The following KIF14 variants were observed in gnomAD, a reference collection of about 807,000 sequenced individuals.
The protein encoded by KIF14 is kinesin-like protein KIF14.
Under a neutral mutation model 176.2 loss-of-function variants are expected in KIF14, and 98 were observed. That is an observed-to-expected ratio of 0.56 (90% CI 0.47 to 0.66). KIF14 has a LOEUF of 0.66. KIF14 is among the 30% of genes least tolerant of loss of function. The pLI is 0.00. For missense variants in KIF14, 1,751 were observed against 1,920.4 expected, an observed-to-expected ratio of 0.91 and a Z score of 1.65; for synonymous variants, 566 against 632.2, an observed-to-expected ratio of 0.90 and a Z score of 1.57.
chr1:200,602,119 G>A, intron 10 of KIF14, 51 bp from the exon 11 acceptor site: 2 of 1,491,716 alleles, frequency 1.3e-6, no homozygotes, highest in Non-Finnish European at 1.8e-6. Context: ...CTTAATAACA[G>A]TAATTATCTA....
intron 19 of KIF14, 55 bp downstream of exon 19, chr1:200,586,046 T>C: frequency 4.9e-6 from 6 of 1,220,474 alleles, no homozygotes; most frequent in Non-Finnish European, 6.6e-6. Flanking sequence ...GTAATTATAT[T>C]ACATATAACA....
Position 200,589,242 on chromosome 1 carries a change from T to C in KIF14, c.3089A>G (p.Glu1030Gly), listed in dbSNP as rs370753847. ...QEIYVNKKRL[E>G]METLATKQAL... Reference sequence around the variant, plus strand: ...CTGTTTTGTAGCCAATGTTTCCATTTCTAATCGCTTTTTGTTGACATATAT... The same window carrying C: ...CTGTTTTGTAGCCAATGTTTCCATTCCTAATCGCTTTTTGTTGACATATAT... Residue 1030 changes from glutamate (E) to glycine (G), a missense_variant, in exon 18 of 30, where the codon GAA (glutamate) becomes GGA (glycine). By Grantham distance (98) the Glu-to-Gly change is moderately conservative (BLOSUM62 -2). Coordinates refer to ENST00000367350, the MANE Select transcript of KIF14 (RefSeq NM_014875.3). 3.1e-6 allele frequency: 5 copies of C among 1,608,746 alleles called. No homozygotes were observed. The African/African-American group carries it at 6.7e-5, about 22-fold the overall frequency.
intron 21 of KIF14, among the ~76,000 whole-genome samples, chr1:200,576,772 C>T (rs979981152): frequency 6.6e-6 from 1 of 152,142 alleles, no homozygotes; most frequent in African/African-American, 2.4e-5. Context: ...ATATACTTCA[C>T]GTTTATGACA....
Position 200,575,681 on chromosome 1 carries a change from C to T in KIF14, c.3476G>A (p.Ser1159Asn), listed in dbSNP as rs1658061749. The T allele has an allele frequency of 3.2e-6, 5 of 1,556,736 alleles. No individual in the cohort carries two copies. The African/African-American group carries it at 4.1e-5, about 13-fold the overall frequency. ...AMKELYESNG[S>N]NRGEDAFCDP... ...ACAAAAGGCATCTTCACCCCTGTTA[C>T]TACCATTACTCTAAGAAAAATATAA... is the stretch of plus-strand genomic sequence containing the variant. Residue 1159 changes from serine to asparagine, a missense_variant, in exon 22 of 30, where the codon AGT becomes AAT. Transcript: ENST00000367350.
In KIF14 at chr1:200,598,385, G is replaced by A; in HGVS notation, c.2401C>T (p.Pro801Ser). 1 of 1,609,066 alleles carries A rather than the reference G, an allele frequency of 6.2e-7. No homozygotes were observed. Among genetic ancestry groups the A allele is most frequent in the Non-Finnish European group, 8.5e-7 (1 of 1,178,688 alleles). Residue 801 changes from proline (P) to serine (S), a missense_variant, in exon 14 of 30, where the codon CCA becomes TCA. Coordinates refer to ENST00000367350, the MANE Select transcript of KIF14 (RefSeq NM_014875.3). The stretch of plus-strand genomic sequence containing the variant: ...TCTTCATTCAGATTAACAAGGTTTG[G>A]TAAATGATTGTCCATTTGAAACATA... ...GIMFQMDNHL[P>S]NLVNLNEDPQ...
At chr1:200,561,738 T>G (rs1657171123) in intron 25 of KIF14, among the ~76,000 whole-genome samples, 1 of 152,060 alleles carries the variant, frequency 6.6e-6, no homozygotes, top group South Asian at 2.1e-4. Flanking sequence ...TACACACTAA[T>G]AGGAGACATA....
intron 11 of KIF14, among the ~76,000 whole-genome samples, chr1:200,601,573 A>C (rs986970057): frequency 1.2e-4 from 18 of 152,252 alleles, no homozygotes; most frequent in African/African-American, 3.9e-4. Context: ...AAGAGAGGTC[A>C]TAAGAGAAAA....
intron 3 of KIF14, among the ~76,000 whole-genome samples, chr1:200,614,792 A>C (rs1660327990): frequency 1.4e-4 from 3 of 22,212 alleles, no homozygotes; most frequent in African/African-American, 3.4e-4. Flanking sequence ...CCTTGCTACA[A>C]AAAAAAAAAA....
At chr1:200,560,997 G>T in intron 25 of KIF14, 117 bp from the exon 26 acceptor site, 2 of 838,978 alleles carry the variant, frequency 2.4e-6, no homozygotes, top group Admixed American at 4.4e-5. Flanking sequence ...TTGGGAGGCC[G>T]AGGCGGGTGG....
Position 200,586,193 on chromosome 1 carries a change from A to T in KIF14, c.3149T>A (p.Ile1050Asn). ...LEDHSIRHAR[I>N]LEALETEKQK... ...CTTTTCAGTTTCTAAAGCTTCCAGA[A>T]TTCTTGCATGGCGGATGCTATGGTC... The change falls in exon 19 of 30, where the codon ATT (isoleucine) becomes AAT (asparagine). Residue 1050 changes from isoleucine to asparagine, a missense_variant. Physicochemically the swap from Ile to Asn is moderately radical, Grantham distance 149 (BLOSUM62 -3). Transcript: ENST00000367350. 6.2e-7 allele frequency: 1 copy of T among 1,600,256 alleles called. No homozygotes were observed. Among genetic ancestry groups the T allele is most frequent in the Non-Finnish European group, 8.5e-7 (1 of 1,171,082 alleles).
intron 5 of KIF14, 115 bp downstream of exon 5, chr1:200,608,715 T>C (rs1263436205): frequency 1.6e-6 from 1 of 642,908 alleles, no homozygotes; most frequent in African/African-American, 1.9e-5. Flanking sequence ...TCCAAGCATT[T>C]GCTTTCATAT....
At chr1:200,586,782 T>TATAC (rs200003172) in intron 18 of KIF14, among the ~76,000 whole-genome samples, 1 of 62,014 alleles carries the variant, frequency 1.6e-5, no homozygotes, top group African/African-American at 8.7e-5. Flanking sequence ...TGTATATATA[T>TATAC]ATACATACAT....
At chr1:200,564,882 T>C (rs1558048885) in intron 25 of KIF14, among the ~76,000 whole-genome samples, 187 bp downstream of exon 25, 1 of 152,266 alleles carries the variant, frequency 6.6e-6, no homozygotes, top group Admixed American at 6.5e-5. Flanking sequence ...GAACTACTCA[T>C]ACATAGAGAG....
chr1:200,603,703 C>G, intron 9 of KIF14, 136 bp downstream of exon 9: 2 of 574,446 alleles, frequency 3.5e-6, no homozygotes, highest in Non-Finnish European at 6.2e-6. Context: ...ATCTCTTTTT[C>G]AACCACAGCA....
At chr1:200,567,172 C>CA (rs374186998) in intron 23 of KIF14, among the ~76,000 whole-genome samples, 80,804 of 141,870 alleles carry the variant, frequency 0.57, 22,477 homozygotes, top group East Asian at 0.7. Context: ...ACTCTGTCCT[C>CA]AAAAAAAAAA....
At chr1:200,554,429 A>G in intron 29 of KIF14, 39 bp downstream of exon 29, 1 of 1,349,788 alleles carries the variant, frequency 7.4e-7, no homozygotes, top group Non-Finnish European at 1.0e-6. Context: ...TCCTTAAAAT[A>G]TAAAATTCTG....
At chr1:200,556,469 A>G (rs1656834250) in intron 27 of KIF14, among the ~76,000 whole-genome samples, 1 of 152,244 alleles carries the variant, frequency 6.6e-6, no homozygotes, top group South Asian at 2.1e-4. Context: ...TTACAAGAAT[A>G]GATAAACTAA....
At chr1:200,613,540 T>A (rs1425584826) in intron 4 of KIF14, among the ~76,000 whole-genome samples, 1 of 152,180 alleles carries the variant, frequency 6.6e-6, no homozygotes, top group East Asian at 1.9e-4. Flanking sequence ...AGGGACTGGG[T>A]CTTTTAACTC....
chr1:200,616,227 C>T (rs1485346874), intron 2 of KIF14, among the ~76,000 whole-genome samples: 2 of 151,732 alleles, frequency 1.3e-5, no homozygotes, highest in South Asian at 2.1e-4. Flanking sequence ...ACACTCCCTC[C>T]CCGCTCCATC....
Sources: allele counts gnomAD v4.1 joint callset (sites outside exome capture counted in the v4.1 genomes callset), GRCh38; gene constraint gnomAD v4.1.1; transcripts MANE v1.5; gene names NCBI Gene and HGNC (gene_info 2026-07-23, HGNC 2026-07-21).